NHSL1: variants seen among roughly 807,000 people sequenced by gnomAD.
NHSL1 encodes the protein NHS like 1.
A neutral mutation model predicts 95.0 loss-of-function variants in NHSL1; 48 were observed. The observed-to-expected ratio is 0.51, with a 90% confidence interval of 0.40 to 0.64. The LOEUF (loss-of-function observed/expected upper bound fraction) is 0.64, where lower values mean the gene tolerates loss of function less well. Ranked by LOEUF, NHSL1 falls within the 30% of genes least tolerant of loss-of-function variation. The probability of loss-of-function intolerance (pLI) is 0.00; values close to 1 mark genes in which losing one functional copy is unlikely to be tolerated. For missense variants in NHSL1, 1,971 were observed against 2,077.7 expected, an observed-to-expected ratio of 0.95 and a Z score of 1.00; for synonymous variants, 783 against 833.9, an observed-to-expected ratio of 0.94 and a Z score of 1.05.
At chr6:138,554,865 C>G (rs1223847735) in intron 1 of NHSL1, among the ~76,000 whole-genome samples, 2 of 152,172 alleles carry the variant, frequency 1.3e-5, no homozygotes, top group South Asian at 4.1e-4. Context: ...AATAATTTCC[C>G]TTTCAACTGC....
intron 1 of NHSL1, among the ~76,000 whole-genome samples, chr6:138,562,810 C>T (rs1356124096): frequency 6.6e-6 from 1 of 152,106 alleles, no homozygotes; most frequent in Non-Finnish European, 1.5e-5. Context: ...CCTAATGCTC[C>T]AATCCCTTCT....
rs1435257680 is a variant in NHSL1 at position 138,422,279 on chromosome 6, G to T, written c.*1802C>A. The stretch of plus-strand genomic sequence containing the variant: ...CCACTTTTCTAAAGAAACGATCTTT[G>T]TGCCAAATTAGTAGACAATTGCTCC... On this transcript the variant is annotated 3_prime_UTR_variant, in exon 8 of 8. Coordinates refer to ENST00000343505, the MANE Select transcript of NHSL1 (RefSeq NM_001144060.2). 6.6e-6 allele frequency: 1 copy of T among 152,154 alleles called. No homozygotes were observed. Among genetic ancestry groups the T allele is most frequent in the Admixed American group, 6.5e-5 (1 of 15,280 alleles). 9.4% of individuals were successfully genotyped at this position (152,154 alleles called of 1,614,324 possible).
intron 2 of NHSL1, among the ~76,000 whole-genome samples, chr6:138,485,985 T>A (rs553911613): frequency 2.0e-5 from 3 of 152,306 alleles, no homozygotes; most frequent in Admixed American, 6.5e-5. Flanking sequence ...CCACACCATG[T>A]AATGAACAGC....
intron 1 of NHSL1, among the ~76,000 whole-genome samples, chr6:138,604,760 G>T (rs1362695062): frequency 6.6e-6 from 1 of 152,082 alleles, no homozygotes; most frequent in African/African-American, 2.4e-5. Flanking sequence ...TGAGTAGCTG[G>T]AACTACAGGC....
At chr6:138,680,319 G>A (rs923849329) in intron 1 of NHSL1, among the ~76,000 whole-genome samples, 3 of 152,120 alleles carry the variant, frequency 2.0e-5, no homozygotes, top group African/African-American at 7.2e-5. Context: ...CTGCACTGTC[G>A]CAGCACCACC....
chr6:138,650,225 C>T, intron 1 of NHSL1: 1 of 627,936 alleles, frequency 1.6e-6, no homozygotes, highest in East Asian at 3.7e-5. Context: ...CAGGTTACTC[C>T]AGGGTGAAAG....
chr6:138,672,943 G>A (rs1468554843), intron 1 of NHSL1, among the ~76,000 whole-genome samples: 1 of 152,064 alleles, frequency 6.6e-6, no homozygotes, highest in African/African-American at 2.4e-5. Flanking sequence ...CTTGAACCAG[G>A]GAGGCAGAGG....
Position 138,456,922 on chromosome 6 carries a change from C to A in NHSL1, c.340-9729G>T, listed in dbSNP as rs564301385. On this transcript the variant is annotated intron_variant, in intron 3 of 7. Coordinates refer to ENST00000343505, the MANE Select transcript of NHSL1 (RefSeq NM_001144060.2). ...GGAGATGGAGTCTCACTTACTCTGC[C>A]GCCCAGGCTGGAGTGGAGTGGTGCG... 3.0e-3 allele frequency among the ~76,000 whole-genome samples: 449 copies of A among 151,720 alleles called. 5 individuals are homozygous for A. The highest frequency in any genetic ancestry group is 4.0e-3 in the Non-Finnish European group (273 of 67,926).
chr6:138,463,172 T>G lies in NHSL1; in HGVS notation c.339+10134A>C, dbSNP rs555785456. Among the ~76,000 whole-genome samples, 4 of 152,292 alleles carry G rather than the reference T, an allele frequency of 2.6e-5. No homozygotes were observed. The East Asian group carries it at 7.7e-4, about 29-fold the overall frequency. ...ACCCTTGGCTATCACTTGCCTGGATTATTGCAAGGGCCTATTGTCTTGTCT... is the reference window on the plus strand; with the variant it reads ...ACCCTTGGCTATCACTTGCCTGGATGATTGCAAGGGCCTATTGTCTTGTCT... On this transcript the variant is annotated intron_variant, in intron 3 of 7. Transcript: ENST00000343505.
chr6:138,546,208 G>A (rs532388042), upstream of NHSL1, among the ~76,000 whole-genome samples: 3 of 151,886 alleles, frequency 2.0e-5, no homozygotes, highest in South Asian at 2.1e-4. Context: ...CTGAGTCTAC[G>A]TAAATGAGTG....
chr6:138,625,006 GAT>G (rs1474019516), intron 1 of NHSL1, among the ~76,000 whole-genome samples: 8 of 152,108 alleles, frequency 5.3e-5, no homozygotes, highest in Non-Finnish European at 8.8e-5. Flanking sequence ...GTGAGAGAGA[GAT>G]ATTCTGTCTT....
intron 3 of NHSL1, among the ~76,000 whole-genome samples, chr6:138,461,194 T>C (rs1777972718): frequency 6.6e-6 from 1 of 152,154 alleles, no homozygotes; most frequent in Admixed American, 6.5e-5. Flanking sequence ...TATTTGGATT[T>C]GGACAAGTTT....
intron 1 of NHSL1, among the ~76,000 whole-genome samples, chr6:138,595,148 A>T (rs2114538480): frequency 6.6e-6 from 1 of 152,356 alleles, no homozygotes; most frequent in South Asian, 2.1e-4. Flanking sequence ...TCACCTACAG[A>T]AGATAAAAAG....
intron 3 of NHSL1, among the ~76,000 whole-genome samples, chr6:138,455,094 T>G (rs1210597607): frequency 6.6e-6 from 1 of 152,224 alleles, no homozygotes; most frequent in Admixed American, 6.5e-5. Context: ...AGACCCCAAT[T>G]TTCTCATTTT....
At position 138,453,464 on chromosome 6, in the gene NHSL1, C is replaced by T. The variant is rs144697214; in HGVS notation, c.340-6271G>A. ...CAGATTCCTGGGCTCAAGCAATCCT[C>T]CTGCCTCAGTTTCCCAAGTAGCTGG... On this transcript the variant is annotated intron_variant, in intron 3 of 7. Coordinates refer to ENST00000343505, the MANE Select transcript of NHSL1 (RefSeq NM_001144060.2). Among the ~76,000 whole-genome samples the T allele has an allele frequency of 3.5e-3, 532 of 152,274 alleles. 1 individual carries two copies. Among genetic ancestry groups the T allele is most frequent in the Non-Finnish European group, 6.1e-3 (418 of 68,010 alleles).
At chr6:138,495,113 C>T (rs1780273441) in intron 2 of NHSL1, among the ~76,000 whole-genome samples, 1 of 152,050 alleles carries the variant, frequency 6.6e-6, no homozygotes, top group African/African-American at 2.4e-5. Context: ...TGTGGTGATG[C>T]ACTCCTGTAA....
intron 3 of NHSL1, among the ~76,000 whole-genome samples, chr6:138,466,924 A>C (rs1292880927): frequency 6.6e-6 from 1 of 151,956 alleles, no homozygotes; most frequent in Non-Finnish European, 1.5e-5. Context: ...TCTCTACTAA[A>C]AATCTACTAA....
At chr6:138,454,207 G>A (rs1190575232) in intron 3 of NHSL1, among the ~76,000 whole-genome samples, 1 of 152,046 alleles carries the variant, frequency 6.6e-6, no homozygotes, top group Non-Finnish European at 1.5e-5. Context: ...GTGTGTGCGT[G>A]CGTGCATAAA....
rs1424729910 is a variant in NHSL1 at position 138,424,707 on chromosome 6, G to C, written c.4195C>G (p.Pro1399Ala). 1.3e-6 allele frequency: 2 copies of C among 1,551,526 alleles called. No individual in the cohort carries two copies. The highest frequency in any genetic ancestry group is 1.7e-6 in the Non-Finnish European group (2 of 1,146,998). ...PTGAAPSLASPKQVGSIQRSI... is the reference protein window; with the variant it reads ...PTGAAPSLASAKQVGSIQRSI... ...CTCTGAATCGACCCCACTTGCTTTG[G>C]AGAGGCCAGGCTTGGGGCAGCGCCG... Residue 1399 changes from proline to alanine, a missense_variant, in exon 8 of 8, where the codon CCA (proline) becomes GCA (alanine). Coordinates refer to ENST00000343505, the MANE Select transcript of NHSL1 (RefSeq NM_001144060.2). This position sits in a 1 kb window ranked among gnomAD's most constrained non-coding sequence, Gnocchi z 5.9.
Sources: gnomAD v4.1 joint callset for allele counts (sites outside exome capture counted in the v4.1 genomes callset) on GRCh38, gnomAD v4.1.1 for gene constraint, Gnocchi (gnomAD v3.1) non-coding constraint, MANE v1.5 for transcripts, NCBI Gene and HGNC (gene_info 2026-07-23, HGNC 2026-07-21) for gene names.